The following RASGRF1 variants were observed in gnomAD, a reference collection of about 807,000 sequenced individuals.
The protein encoded by RASGRF1 is ras-specific guanine nucleotide-releasing factor 1.
In RASGRF1, 40 loss-of-function variants were observed where a neutral mutation model predicts 138.7. The observed-to-expected ratio is 0.29, with a 90% CI of 0.22 to 0.38. RASGRF1 has a LOEUF of 0.38. RASGRF1 is among the 10% of genes least tolerant of loss of function. The probability of loss-of-function intolerance (pLI) is 1.00; values close to 1 mark genes in which losing one functional copy is unlikely to be tolerated. For missense variants in RASGRF1, 1,108 were observed against 1,650.4 expected (o/e 0.67, Z 5.69); for synonymous variants, 614 against 663.2 (o/e 0.93, Z 1.14).
At chr15:78,977,587 A>G (rs1216471777) in intron 24 of RASGRF1, among the ~76,000 whole-genome samples, 2 of 152,186 alleles carry the variant, frequency 1.3e-5, no homozygotes, top group Non-Finnish European at 2.9e-5. Flanking sequence ...CATGACATCC[A>G]TGTAGATAAA....
At chr15:78,999,949 C>T in intron 16 of RASGRF1, 36 bp from the exon 17 acceptor site, 1 of 1,597,768 alleles carries the variant, frequency 6.3e-7, no homozygotes, top group South Asian at 1.1e-5. Context: ...CAGCTGTCCC[C>T]AGTCCCAACT....
chr15:78,990,134 G>A, intron 22 of RASGRF1, 55 bp downstream of exon 22: 2 of 1,368,504 alleles, frequency 1.5e-6, no homozygotes, highest in Non-Finnish European at 2.1e-6. Flanking sequence ...CCAGCCTCTT[G>A]AGCGTCTTGC....
At chr15:79,012,104 G>C (rs2056807380) in intron 13 of RASGRF1, among the ~76,000 whole-genome samples, 1 of 152,048 alleles carries the variant, frequency 6.6e-6, no homozygotes, top group Admixed American at 6.6e-5. Context: ...CTCTAGAATA[G>C]TTTGTCTGGT....
intron 21 of RASGRF1, 72 bp downstream of exon 21, chr15:78,991,619 G>T: frequency 8.2e-7 from 1 of 1,224,646 alleles, no homozygotes; most frequent in Non-Finnish European, 1.2e-6. Flanking sequence ...TTCACTGCGT[G>T]TGCTTCCAGG....
At chr15:79,014,096 A>C (rs1048276564) in intron 13 of RASGRF1, among the ~76,000 whole-genome samples, 16 of 152,336 alleles carry the variant, frequency 1.1e-4, no homozygotes, top group Middle Eastern at 3.4e-3. Flanking sequence ...AGATGTTGGC[A>C]TGGATGTGGT....
At chr15:78,986,231 G>A (rs544777292) in intron 22 of RASGRF1, among the ~76,000 whole-genome samples, 5 of 152,162 alleles carry the variant, frequency 3.3e-5, no homozygotes, top group Admixed American at 6.5e-5. Context: ...TGGATCTGGA[G>A]CAGCTGGGGA....
chr15:79,013,508 TCTG>T (rs936452016), intron 13 of RASGRF1, among the ~76,000 whole-genome samples: 1 of 152,264 alleles, frequency 6.6e-6, no homozygotes, highest in Admixed American at 6.5e-5. Flanking sequence ...TAAATCATAT[TCTG>T]CATTAAACGC....
At chr15:79,071,414 C>T (rs1239922457) in intron 1 of RASGRF1, among the ~76,000 whole-genome samples, 2 of 150,306 alleles carry the variant, frequency 1.3e-5, no homozygotes, top group Non-Finnish European at 3.0e-5. Flanking sequence ...GGCTGGAGTA[C>T]AGTGGCACAG....
intron 11 of RASGRF1, 26 bp downstream of exon 11, chr15:79,020,015 T>C (rs1407524049): frequency 1.2e-6 from 2 of 1,612,862 alleles, no homozygotes; most frequent in Admixed American, 3.3e-5. Context: ...AGCACACACA[T>C]GCGCACATGC....
chr15:79,006,833 G>A lies in RASGRF1; in HGVS notation c.1827-399C>T, dbSNP rs2056685843. 6.6e-6 allele frequency among the ~76,000 whole-genome samples: 1 copy of A among 152,070 alleles called. No homozygotes were observed. Among genetic ancestry groups the A allele is most frequent in the South Asian group, 2.1e-4 (1 of 4,824 alleles). On this transcript the variant is annotated intron_variant, in intron 13 of 26. Coordinates refer to ENST00000558480, the MANE Select transcript of RASGRF1 (RefSeq NM_001145648.3). The surrounding 1 kb of genome is among the most constrained non-coding windows in gnomAD (Gnocchi z 4.0). ...TCAAGACCAGCCTGGGCAACATGGC[G>A]AAACCCTGTCTCTCTTAAAAATACA... is the stretch of plus-strand genomic sequence containing the variant.
intron 5 of RASGRF1, among the ~76,000 whole-genome samples, chr15:79,041,187 A>G (rs1338640119): frequency 1.3e-5 from 2 of 152,238 alleles, no homozygotes; most frequent in Non-Finnish European, 2.9e-5. Context: ...GAAAAGTTTT[A>G]TTGTAATATA....
At chr15:79,002,347 A>G (rs2056548895) in intron 15 of RASGRF1, among the ~76,000 whole-genome samples, 1 of 152,124 alleles carries the variant, frequency 6.6e-6, no homozygotes, top group Non-Finnish European at 1.5e-5. Context: ...GGGGAGGCTG[A>G]TGAATTATAT....
chr15:79,052,816 G>A (rs1444866858), intron 3 of RASGRF1, among the ~76,000 whole-genome samples: 1 of 152,164 alleles, frequency 6.6e-6, no homozygotes, highest in East Asian at 1.9e-4. Flanking sequence ...GGGAATGGGG[G>A]ATGGCAGGAG....
chr15:79,087,276 G>A (rs915312587), intron 1 of RASGRF1, among the ~76,000 whole-genome samples: 1 of 152,198 alleles, frequency 6.6e-6, no homozygotes, highest in South Asian at 2.1e-4. Flanking sequence ...TCTAGGTTGA[G>A]GACATAAAAT....
chr15:79,086,427 A>G (rs914457920), intron 1 of RASGRF1, among the ~76,000 whole-genome samples: 3 of 152,186 alleles, frequency 2.0e-5, no homozygotes, highest in African/African-American at 7.2e-5. Context: ...CTCATCTGTA[A>G]AATGAGTGTA....
At position 78,959,974 on chromosome 15, in the gene RASGRF1, C is replaced by T. The variant is rs2055517637; in HGVS notation, c.*2170G>A. On this transcript the variant is annotated 3_prime_UTR_variant, in exon 27 of 27. Transcript: ENST00000558480. ...AATTATAATAATTCATTTAATTCTACTCTGTAATGAGATACCATTTTCATC... is the reference window on the plus strand; with the variant it reads ...AATTATAATAATTCATTTAATTCTATTCTGTAATGAGATACCATTTTCATC... 2.0e-5 allele frequency: 3 copies of T among 152,158 alleles called. No homozygotes were observed. Among genetic ancestry groups the T allele is most frequent in the African/African-American group, 7.2e-5 (3 of 41,426 alleles). The allele number at this position is 152,158 out of a possible 1,614,324, so 9.4% of individuals were successfully genotyped here.
chr15:78,988,139 T>C (rs918893218), intron 22 of RASGRF1, among the ~76,000 whole-genome samples: 1 of 152,186 alleles, frequency 6.6e-6, no homozygotes, highest in African/African-American at 2.4e-5. Context: ...CGTTCAAAAT[T>C]GTACTCTGCT....
At chr15:79,057,205 CA>C (rs1357805686) in intron 3 of RASGRF1, among the ~76,000 whole-genome samples, 7 of 150,976 alleles carry the variant, frequency 4.6e-5, no homozygotes, top group Non-Finnish European at 8.8e-5. Context: ...TGTCGCAGGG[CA>C]AGGCGACAGC....
chr15:79,036,437 C>T (rs1208271231), intron 5 of RASGRF1, among the ~76,000 whole-genome samples: 2 of 152,226 alleles, frequency 1.3e-5, no homozygotes, highest in Non-Finnish European at 2.9e-5. Flanking sequence ...GCCTCTGTTT[C>T]TCCACTGCTT....
Sources: gnomAD v4.1 joint callset for allele counts (sites outside exome capture counted in the v4.1 genomes callset) on GRCh38, gnomAD v4.1.1 for gene constraint, Gnocchi (gnomAD v3.1) non-coding constraint, MANE v1.5 for transcripts, NCBI Gene and HGNC (gene_info 2026-07-23, HGNC 2026-07-21) for gene names.